Variants in KCNAB1 observed in about 807,000 individuals in gnomAD.
The protein encoded by KCNAB1 is potassium voltage-gated channel subfamily A regulatory beta subunit 1, also known as voltage-gated potassium channel subunit beta-1.
Under a neutral mutation model 64.6 loss-of-function variants are expected in KCNAB1, and 35 were observed. The observed-to-expected ratio is 0.54, with a 90% CI of 0.41 to 0.72. The LOEUF (loss-of-function observed/expected upper bound fraction) is 0.72. Among genes scored for constraint, KCNAB1 ranks in the 30% least tolerant of loss-of-function variants. KCNAB1 has a pLI of 0.00. For missense variants in KCNAB1, 401 were observed against 512.9 expected (o/e 0.78, Z 2.11); for synonymous variants, 177 against 183.8 (o/e 0.96, Z 0.30).
In KCNAB1 at chr3:156,452,847, C is replaced by T; in HGVS notation, c.320-52C>T. 5 of 1,381,192 alleles carry T rather than the reference C, an allele frequency of 3.6e-6. No individual in the cohort carries two copies. Among genetic ancestry groups the T allele is most frequent in the Non-Finnish European group, 5.1e-6 (5 of 984,048 alleles). The allele number at this position is 1,381,192 out of a possible 1,614,324, so 85.6% of individuals were successfully genotyped here. ...AAGTAAGAATTTCCCTTATTACGCACAATATTAGAAAAATGATGATGAATA... is the reference window on the plus strand; with the variant it reads ...AAGTAAGAATTTCCCTTATTACGCATAATATTAGAAAAATGATGATGAATA... On this transcript the variant is annotated intron_variant, in intron 2 of 13. Coordinates refer to ENST00000490337, the MANE Select transcript of KCNAB1 (RefSeq NM_172160.3). The surrounding 1 kb of genome is among the most constrained non-coding windows in gnomAD (Gnocchi z 4.6).
intron 2 of KCNAB1, among the ~76,000 whole-genome samples, chr3:156,428,859 C>A (rs1716018822): frequency 1.3e-5 from 2 of 152,188 alleles, no homozygotes; most frequent in Non-Finnish European, 2.9e-5. Flanking sequence ...ACCCCCATAC[C>A]TTTGGGTCCC....
At chr3:156,142,866 A>T in intron 1 of KCNAB1, 1 of 474,376 alleles carries the variant, frequency 2.1e-6, no homozygotes, top group Non-Finnish European at 2.8e-6. Flanking sequence ...AAGTTCCCAT[A>T]TTTTTTTTCC....
Position 156,476,562 on chromosome 3 carries a change from T to C in KCNAB1, c.658+1742T>C, listed in dbSNP as rs900581479. 4.5e-5 allele frequency among the ~76,000 whole-genome samples: 6 copies of C among 134,566 alleles called. No homozygotes were observed. The East Asian group carries it at 6.9e-4, about 16-fold the overall frequency. The allele number at this position is 134,566 out of a possible 152,430, so 88.3% of individuals were successfully genotyped here. On this transcript the variant is annotated intron_variant, in intron 8 of 13. Coordinates refer to ENST00000490337, the MANE Select transcript of KCNAB1 (RefSeq NM_172160.3). ...ACACACACACGCACACACACACACA[T>C]ATACACACACACACACATATATACA...
intron 1 of KCNAB1, among the ~76,000 whole-genome samples, chr3:156,327,168 A>G (rs371426875): frequency 2.0e-5 from 3 of 152,334 alleles, no homozygotes; most frequent in East Asian, 3.9e-4. Context: ...GACATATTCA[A>G]TATTTGAAAG....
chr3:156,492,602 C>T (rs1023658094), intron 8 of KCNAB1, among the ~76,000 whole-genome samples: 1 of 152,096 alleles, frequency 6.6e-6, no homozygotes, highest in Non-Finnish European at 1.5e-5. Context: ...ACTACAACTG[C>T]AGGAGGAGTC....
At chr3:156,251,365 T>C (rs530360753) in intron 1 of KCNAB1, among the ~76,000 whole-genome samples, 22 of 152,148 alleles carry the variant, frequency 1.4e-4, no homozygotes, top group Non-Finnish European at 2.6e-4. Context: ...AACAGAAATA[T>C]ATGAAGGATT....
chr3:156,329,825 C>T (rs181608626), intron 1 of KCNAB1, among the ~76,000 whole-genome samples: 1 of 152,270 alleles, frequency 6.6e-6, no homozygotes, highest in East Asian at 1.9e-4. Context: ...CTTTGAATAT[C>T]TTCCATTAAT....
rs146188816 is a variant in KCNAB1, at chr3:156,536,290, A to C, written c.1171-368A>C. Among the ~76,000 whole-genome samples the C allele has an allele frequency of 2.8e-4, 42 of 152,372 alleles. 1 individual carries two copies. In the East Asian group the frequency reaches 8.1e-3, roughly 29 times the overall value. On this transcript the variant is annotated intron_variant, in intron 13 of 13. Coordinates refer to ENST00000490337, the MANE Select transcript of KCNAB1 (RefSeq NM_172160.3). ...CAAGTATCTTTTCTATATTGATTAC[A>C]TGTTGAAATAATGTTTTGGATATAA... is the stretch of plus-strand genomic sequence containing the variant.
rs188213042 is a variant in KCNAB1, at chr3:156,380,598, A to G, written c.276-41018A>G. Among the ~76,000 whole-genome samples, 48 of 152,298 alleles carry G rather than the reference A, an allele frequency of 3.2e-4. No individual in the cohort carries two copies. In the Middle Eastern group the frequency reaches 0.01, roughly 32 times the overall value. On this transcript the variant is annotated intron_variant, in intron 1 of 13. Coordinates refer to ENST00000490337, the MANE Select transcript of KCNAB1 (RefSeq NM_172160.3). ...AGCCTGTGCAAATATTTGCAGCAGG[A>G]GTGTGCCCAGCATGTTTAGTGAAGC...
At chr3:156,169,583 T>C (rs575958453) in intron 1 of KCNAB1, among the ~76,000 whole-genome samples, 2 of 152,312 alleles carry the variant, frequency 1.3e-5, no homozygotes, top group African/African-American at 4.8e-5. Context: ...TCATGTGGAA[T>C]TGTAGTCCCC....
At chr3:156,377,202 G>A (rs568057771) in intron 1 of KCNAB1, among the ~76,000 whole-genome samples, 4 of 151,932 alleles carry the variant, frequency 2.6e-5, no homozygotes, top group Admixed American at 6.6e-5. Context: ...CATTCTCTTC[G>A]CATCTGAAAA....
At chr3:156,243,875 TC>T (rs1444483344) in intron 1 of KCNAB1, among the ~76,000 whole-genome samples, 13 of 152,036 alleles carry the variant, frequency 8.6e-5, no homozygotes, top group Admixed American at 4.6e-4. Context: ...GGCTGTAGCC[TC>T]CCCTCCCAAC....
chr3:156,125,131 C>G (rs1040608989), intron 1 of KCNAB1, among the ~76,000 whole-genome samples: 1 of 149,316 alleles, frequency 6.7e-6, no homozygotes, highest in Non-Finnish European at 1.5e-5. Flanking sequence ...GAGCAACACT[C>G]CACTCAAAAA....
chr3:156,397,581 C>T (rs1167316915), intron 1 of KCNAB1, among the ~76,000 whole-genome samples: 2 of 152,154 alleles, frequency 1.3e-5, no homozygotes, highest in Non-Finnish European at 2.9e-5. Flanking sequence ...AACAGTTTGG[C>T]TCACAGTCTA....
chr3:156,454,441 C>T (rs1337392217), intron 3 of KCNAB1, among the ~76,000 whole-genome samples: 7 of 152,164 alleles, frequency 4.6e-5, no homozygotes, highest in African/African-American at 1.2e-4. Context: ...GGTCTGACCT[C>T]GGGCTAGGTG....
chr3:156,246,460 G>A (rs796728359), intron 1 of KCNAB1, among the ~76,000 whole-genome samples: 27 of 152,078 alleles, frequency 1.8e-4, no homozygotes, highest in African/African-American at 2.7e-4. Context: ...AAAATTAGCC[G>A]GGTGTGGTGG....
intron 1 of KCNAB1, among the ~76,000 whole-genome samples, chr3:156,393,152 C>G (rs547094618): frequency 6.6e-6 from 1 of 152,264 alleles, no homozygotes; most frequent in South Asian, 2.1e-4. Context: ...GGATCACCCC[C>G]TCTAAGAGGG....
chr3:156,273,142 C>A (rs968256232), intron 1 of KCNAB1, among the ~76,000 whole-genome samples: 11 of 147,808 alleles, frequency 7.4e-5, no homozygotes, highest in South Asian at 4.3e-4. Flanking sequence ...AAAAAAAAAA[C>A]GGGTCTCTTT....
intron 2 of KCNAB1, among the ~76,000 whole-genome samples, chr3:156,438,075 A>G (rs765195507): frequency 2.0e-5 from 3 of 152,234 alleles, no homozygotes; most frequent in African/African-American, 7.2e-5. Flanking sequence ...TTGGAGCAAT[A>G]CATCAGCTTC....
Sources: allele counts gnomAD v4.1 joint callset (sites outside exome capture counted in the v4.1 genomes callset), GRCh38; gene constraint gnomAD v4.1.1; non-coding constraint Gnocchi (gnomAD v3.1); transcripts MANE v1.5; gene names NCBI Gene and HGNC (gene_info 2026-07-23, HGNC 2026-07-21).